MTOR: variants seen among roughly 807,000 people sequenced by gnomAD.
MTOR encodes the protein mechanistic target of rapamycin kinase.
A neutral mutation model predicts 319.8 loss-of-function variants in MTOR; 70 were observed. The ratio of observed to expected loss-of-function variants is 0.22; its 90% CI spans 0.18 to 0.27. MTOR has a LOEUF of 0.27. MTOR is among the 10% of genes least tolerant of loss of function. The pLI is 1.00. For missense variants in MTOR, 1,890 were observed against 3,274.4 expected, an observed-to-expected ratio of 0.58 and a Z score of 10.32; for synonymous variants, 1,183 against 1,211.4, an observed-to-expected ratio of 0.98 and a Z score of 0.49.
rs142286050 is a variant in MTOR, at chr1:11,243,269, A to G, written c.1257T>C (p.His419=). 6.3e-5 allele frequency: 101 copies of G among 1,614,024 alleles called. No homozygotes were observed. The highest frequency in any genetic ancestry group is 8.1e-5 in the Non-Finnish European group (95 of 1,180,028). Residue 419 remains histidine (H), a synonymous_variant, in exon 9 of 58, where the codon CAT becomes CAC. Coordinates refer to ENST00000361445, the MANE Select transcript of MTOR (RefSeq NM_004958.4). ...DTQYLQDTMN[H]VLSCVKKEKE... ...TCTCCTTCTTGACACAGCTTAGGAC[A>G]TGGTTCATGGTATCTTGGAGATACT...
intron 18 of MTOR, 143 bp downstream of exon 18, chr1:11,230,782 T>C: frequency 3.6e-6 from 4 of 1,108,768 alleles, no homozygotes; most frequent in Non-Finnish European, 5.2e-6. Context: ...AAGAAGAAAC[T>C]ACTGACTTTT....
At chr1:11,192,495 C>T (rs10864492) in intron 28 of MTOR, 33,087 of 755,472 alleles carry the variant, frequency 0.044, 1,245 homozygotes, top group South Asian at 0.11. Flanking sequence ...GTGGCTCACA[C>T]CTGTAATCCC....
chr1:11,154,805 C>T (rs771307440), intron 30 of MTOR, among the ~76,000 whole-genome samples: 7 of 151,736 alleles, frequency 4.6e-5, no homozygotes, highest in Non-Finnish European at 7.4e-5. Flanking sequence ...GCTGTGATCA[C>T]ACCACTGTAC....
At chr1:11,114,129 A>G (rs528611245) in intron 53 of MTOR, among the ~76,000 whole-genome samples, 189 bp downstream of exon 53, 1 of 152,310 alleles carries the variant, frequency 6.6e-6, no homozygotes, top group Middle Eastern at 3.4e-3. Context: ...GCAGTTCTTT[A>G]TAACAGCGTG....
At chr1:11,207,596 CCT>C (rs1491547987) in intron 25 of MTOR, among the ~76,000 whole-genome samples, 6 of 96,390 alleles carry the variant, frequency 6.2e-5, no homozygotes, top group South Asian at 5.2e-4. Flanking sequence ...TTTTTCAATT[CCT>C]TTTTTTTTTT....
intron 9 of MTOR, among the ~76,000 whole-genome samples, chr1:11,242,394 G>A (rs1648168917): frequency 6.6e-6 from 1 of 151,756 alleles, no homozygotes; most frequent in Non-Finnish European, 1.5e-5. Flanking sequence ...CAGCTACTCA[G>A]GAGGCTGAGG....
Position 11,259,252 on chromosome 1 carries a change from C to A in MTOR, c.158G>T (p.Arg53Leu), listed in dbSNP as rs1650804526. 2 of 1,613,674 alleles carry A rather than the reference C, an allele frequency of 1.2e-6. No individual in the cohort carries two copies. The highest frequency in any genetic ancestry group is 1.7e-6 in the Non-Finnish European group (2 of 1,179,844). Residue 53 changes from arginine (R) to leucine (L), a missense_variant, in exon 2 of 58, where the codon CGA (arginine) becomes CTA (leucine). Coordinates refer to ENST00000361445, the MANE Select transcript of MTOR (RefSeq NM_004958.4). ...GGCCCCAGATCCCAGAAGCACCTCT[C>A]GGAGTTCCATGGTGACATAGTGCTG... The part of the protein sequence containing the change: ...ELQHYVTMEL[R>L]EMSQEESTRF...
chr1:11,183,290 T>C (rs1645215369), intron 28 of MTOR, among the ~76,000 whole-genome samples: 1 of 152,162 alleles, frequency 6.6e-6, no homozygotes, highest in Admixed American at 6.6e-5. Flanking sequence ...TTCACATCTT[T>C]TGTCAATATT....
intron 28 of MTOR, chr1:11,193,843 G>A: frequency 3.4e-6 from 5 of 1,476,580 alleles, no homozygotes; most frequent in Admixed American, 1.9e-5. Context: ...CAACTCCGGG[G>A]GTGCCATTCC....
intron 34 of MTOR, among the ~76,000 whole-genome samples, chr1:11,140,105 C>T (rs1019776244): frequency 6.6e-5 from 10 of 152,104 alleles, no homozygotes; most frequent in Middle Eastern, 3.4e-3. Flanking sequence ...ATTACAGGCA[C>T]GAGCCACCAT....
chr1:11,224,185 C>T (rs1646756669), intron 19 of MTOR, among the ~76,000 whole-genome samples: 2 of 151,932 alleles, frequency 1.3e-5, no homozygotes, highest in African/African-American at 4.8e-5. Context: ...GATAATCTAG[C>T]TATATTTACA....
chr1:11,203,492 T>A (rs1451024831), intron 26 of MTOR, among the ~76,000 whole-genome samples: 1 of 152,032 alleles, frequency 6.6e-6, no homozygotes, highest in Non-Finnish European at 1.5e-5. Flanking sequence ...CTGGCCAACA[T>A]GGCGAAACCC....
chr1:11,194,544 G>T (rs28991012), intron 28 of MTOR: 1 of 1,614,074 alleles, frequency 6.2e-7, no homozygotes, highest in East Asian at 2.2e-5. Context: ...TCTTCCTGGG[G>T]AACTACACTG....
chr1:11,212,487 C>A lies in MTOR; in HGVS notation c.3399-13G>T. On this transcript the variant is annotated splice_polypyrimidine_tract_variant and intron_variant, in intron 22 of 57. Coordinates refer to ENST00000361445, the MANE Select transcript of MTOR (RefSeq NM_004958.4). The surrounding 1 kb of genome is among the most constrained non-coding windows in gnomAD (Gnocchi z 4.1). The stretch of plus-strand genomic sequence containing the variant: ...CTCTAGCGCTGCCCTACAACAATCA[C>A]TAACATACAGTAACTGCTAACATAC... The A allele has an allele frequency of 5.6e-6, 9 of 1,609,408 alleles. No individual in the cohort carries two copies. The highest frequency in any genetic ancestry group is 7.6e-6 in the Non-Finnish European group (9 of 1,178,224).
chr1:11,234,227 G>T lies in MTOR; in HGVS notation c.2247C>A (p.Ile749=), dbSNP rs757090752. 2 of 1,613,908 alleles carry T rather than the reference G, an allele frequency of 1.2e-6. No individual in the cohort carries two copies. Among genetic ancestry groups the T allele is most frequent in the African/African-American group, 2.7e-5 (2 of 74,910 alleles). The part of the protein sequence containing the change: ...TELEHSGIGR[I]KEQSARMLGH... Reference sequence around the variant, plus strand: ...CCAGCATGCGGGCACTCTGCTCTTTGATTCTTCCAATCCCACTGTGCTCCA... The same window carrying T: ...CCAGCATGCGGGCACTCTGCTCTTTTATTCTTCCAATCCCACTGTGCTCCA... Residue 749 remains isoleucine, a synonymous_variant, in exon 14 of 58, where the codon ATC becomes ATA. Transcript: ENST00000361445.
intron 26 of MTOR, among the ~76,000 whole-genome samples, chr1:11,203,429 C>T (rs1646043504): frequency 6.6e-6 from 1 of 152,154 alleles, no homozygotes; most frequent in South Asian, 2.1e-4. Flanking sequence ...AATCCCAGCA[C>T]TTTGAAAGGC....
At chr1:11,154,247 C>T (rs578136024) in intron 30 of MTOR, among the ~76,000 whole-genome samples, 2 of 151,122 alleles carry the variant, frequency 1.3e-5, no homozygotes, top group Non-Finnish European at 2.9e-5. Flanking sequence ...GACATGCTTC[C>T]TAAATTTATT....
chr1:11,146,600 T>C, intron 32 of MTOR, 76 bp downstream of exon 32: 1 of 1,133,136 alleles, frequency 8.8e-7, no homozygotes, highest in South Asian at 1.3e-5. Context: ...AACAGCTTCT[T>C]TACCAAAGCA....
Position 11,212,875 on chromosome 1 carries a change from G to A in MTOR, c.3319C>T (p.Leu1107=). ...AGCAGTAAATGCAGGTAGTCATCCA[G>A]GTTGGCGCCAAACAGCTGGATTGCA... ...LAAIQLFGAN[L]DDYLHLLLPP... is the part of the protein sequence containing the mutation. The change falls in exon 22 of 58, where the codon CTG becomes TTG. Residue 1107 remains leucine, a synonymous_variant. Transcript: ENST00000361445. The surrounding 1 kb of genome is among the most constrained non-coding windows in gnomAD (Gnocchi z 4.1). The A allele has an allele frequency of 1.2e-6, 2 of 1,614,110 alleles. No individual in the cohort carries two copies. The highest frequency in any genetic ancestry group is 1.7e-6 in the Non-Finnish European group (2 of 1,179,982).
Sources: allele counts gnomAD v4.1 joint callset (sites outside exome capture counted in the v4.1 genomes callset), GRCh38; gene constraint gnomAD v4.1.1; non-coding constraint Gnocchi (gnomAD v3.1); transcripts MANE v1.5; gene names NCBI Gene and HGNC (gene_info 2026-07-23, HGNC 2026-07-21).